Variants in RPL17 observed in about 807,000 individuals in gnomAD.
The protein encoded by RPL17 is ribosomal protein L17, also known as large ribosomal subunit protein uL22.
RPL17 carries 2 observed loss-of-function variants against 27.7 expected under a neutral mutation model. The observed-to-expected ratio is 0.07, with a 90% CI of 0.03 to 0.23. RPL17 has a LOEUF of 0.23. Among genes scored for constraint, RPL17 ranks in the 10% least tolerant of loss-of-function variants. The pLI, the probability that RPL17 is intolerant of heterozygous loss-of-function variation, is 1.00. For synonymous variants in RPL17, 76 were observed against 75.5 expected (o/e 1.01, Z -0.03); for missense variants, 141 against 238.8 (o/e 0.59, Z 2.70).
rs535086169 is a variant in RPL17, at chr18:49,490,396, C to T, written c.315+58G>A. On this transcript the variant is annotated intron_variant, in intron 5 of 6. Transcript: ENST00000580261. ...AGAAAATCAAGGACATAAATCTGAA[C>T]AGCCAACATTAATTAAACAACCACC... The T allele has an allele frequency of 1.8e-5, 28 of 1,564,882 alleles. No homozygotes were observed. In the African/African-American group the frequency reaches 3.5e-4, roughly 20 times the overall value.
At position 49,492,461 on chromosome 18, in the gene RPL17, A is replaced by C. The variant is rs2084198247; in HGVS notation, c.-17T>G. ...GCAACGCAGGAGAAACACTCACCTC[A>C]GGCTGCTTAGGGAAAGAGGAAGAGC... is the stretch of plus-strand genomic sequence containing the variant. On this transcript the variant is annotated 5_prime_UTR_variant, in exon 1 of 7. Transcript: ENST00000580261. 1 of 152,302 alleles carries C rather than the reference A, an allele frequency of 6.6e-6. No homozygotes were observed. Among genetic ancestry groups the C allele is most frequent in the Non-Finnish European group, 1.5e-5 (1 of 68,086 alleles). The allele number at this position is 152,302 out of a possible 1,614,324, so 9.4% of individuals were successfully genotyped here.
chr18:49,489,213 C>T, intron 6 of RPL17, 146 bp downstream of exon 6: 5 of 866,456 alleles, frequency 5.8e-6, no homozygotes, highest in Non-Finnish European at 6.9e-6. Flanking sequence ...AAGAAACAAA[C>T]TTACAAAAGC....
At chr18:49,490,381 G>T in intron 5 of RPL17, 73 bp downstream of exon 5, 1 of 1,472,600 alleles carries the variant, frequency 6.8e-7, no homozygotes, top group Non-Finnish European at 9.3e-7. Flanking sequence ...AGAAAATCAA[G>T]GACATAAATC....
intron 6 of RPL17, 29 bp downstream of exon 6, chr18:49,489,330 C>G (rs1187632938): frequency 6.2e-7 from 1 of 1,612,614 alleles, no homozygotes; most frequent in African/African-American, 1.3e-5. Flanking sequence ...TCTACTATCA[C>G]AAACAAAACC....
At chr18:49,488,678 AATACTT>A in intron 6 of RPL17, 112 bp from the exon 7 acceptor site, 1 of 677,562 alleles carries the variant, frequency 1.5e-6, no homozygotes, top group Non-Finnish European at 2.7e-6. Context: ...AAGGGGGAAA[AATACTT>A]AAATGGTAGA....
chr18:49,491,688 A>G (rs1321044288), intron 1 of RPL17, 104 bp from the exon 2 acceptor site: 2 of 1,399,102 alleles, frequency 1.4e-6, no homozygotes, highest in Admixed American at 1.7e-5. Context: ...AGTTGTTTTC[A>G]TTATTAATCC....
At chr18:49,489,277 C>T in intron 6 of RPL17, 82 bp downstream of exon 6, 2 of 1,469,744 alleles carry the variant, frequency 1.4e-6, no homozygotes, top group Non-Finnish European at 1.9e-6. Flanking sequence ...CATAGTTATT[C>T]CAAAGGTGTC....
intron 1 of RPL17, chr18:49,492,180 C>G (rs1045524645): frequency 6.4e-6 from 1 of 155,410 alleles, no homozygotes; most frequent in African/African-American, 2.4e-5. Flanking sequence ...GCGGCCCGCA[C>G]CCCACGGCGG....
At position 49,490,854 on chromosome 18, in the gene RPL17, G is replaced by C. The variant is rs2084017787; in HGVS notation, c.155C>G (p.Thr52Ser). Reference protein sequence around the residue: ...RKATKYLKDVTLQKQCVPFRR... With the variant: ...RKATKYLKDVSLQKQCVPFRR... ...GAATGGTACACACTGTTTCTGTAAA[G>C]TGACATCTTTCAGATACTTCGTGGC... The change falls in exon 4 of 7, where the codon ACT becomes AGT. Residue 52 changes from threonine to serine, a missense_variant. This residue lies in a region of RPL17 where 107 missense variants were observed against 150.1 expected (regional missense o/e 0.71). Coordinates refer to ENST00000580261, the MANE Select transcript of RPL17 (RefSeq NM_001035006.5). The C allele has an allele frequency of 6.2e-7, 1 of 1,613,374 alleles. No individual in the cohort carries two copies. The highest frequency in any genetic ancestry group is 8.5e-7 in the Non-Finnish European group (1 of 1,179,926).
At chr18:49,491,063 TTG>T in intron 3 of RPL17, 136 bp from the exon 4 acceptor site, 2 of 1,417,260 alleles carry the variant, frequency 1.4e-6, no homozygotes, top group Admixed American at 4.3e-5. Flanking sequence ...TTAAAAAAAC[TTG>T]TGACTAAAAG....
At chr18:49,489,696 T>A in intron 5 of RPL17, 146 bp from the exon 6 acceptor site, 1 of 859,986 alleles carries the variant, frequency 1.2e-6, no homozygotes, top group Non-Finnish European at 1.8e-6. Context: ...CCTTTTATTC[T>A]GCAAATAGCA....
chr18:49,491,916 C>G (rs569550889), intron 1 of RPL17: 2 of 432,956 alleles, frequency 4.6e-6, no homozygotes, highest in African/African-American at 4.0e-5. Flanking sequence ...CAGGGCACAA[C>G]TCAACCGTAA....
chr18:49,491,318 A>G, intron 3 of RPL17, 87 bp downstream of exon 3: 4 of 1,588,756 alleles, frequency 2.5e-6, no homozygotes, highest in Non-Finnish European at 3.5e-6. Flanking sequence ...CGGTAAATCC[A>G]AAGGTGTCCT....
chr18:49,491,775 G>A (rs759960180), intron 1 of RPL17, 191 bp from the exon 2 acceptor site: 9 of 799,714 alleles, frequency 1.1e-5, no homozygotes, highest in Admixed American at 5.1e-5. Flanking sequence ...TTATCTTCCA[G>A]TAACTACAGC....
chr18:49,490,609 C>T, intron 4 of RPL17, 57 bp from the exon 5 acceptor site: 1 of 1,609,068 alleles, frequency 6.2e-7, no homozygotes, highest in African/African-American at 1.3e-5. Context: ...ACATTACAGC[C>T]AAGATGAATT....
rs1324832842 is a variant in RPL17 at position 49,489,312 on chromosome 18, CA to C, written c.507+46del. The C allele has an allele frequency of 2.5e-6, 4 of 1,605,306 alleles. No individual in the cohort carries two copies. The East Asian group carries it at 6.7e-5, about 27-fold the overall frequency. On this transcript the variant is annotated intron_variant, in intron 6 of 6. Coordinates refer to ENST00000580261, the MANE Select transcript of RPL17 (RefSeq NM_001035006.5). ...CCTAAGATAGTCATCACAGCAACCA[CA>C]AATCTTTCTACTATCACAAACAAAA...
chr18:49,491,051 A>G, intron 3 of RPL17, 124 bp from the exon 4 acceptor site: 1 of 1,483,218 alleles, frequency 6.7e-7, no homozygotes. Context: ...GGGGCAAGGC[A>G]ATTAAAAAAA....
In RPL17 at chr18:49,489,388, G is replaced by C. The variant is rs1413054645; in HGVS notation, c.478C>G (p.Pro160Ala). Reference protein sequence around the residue: ...LTEKEQIVPKPEEEVAQKKKI... With the variant: ...LTEKEQIVPKAEEEVAQKKKI... ...TTCTTCTGGGCAACCTCCTCTTCTG[G>C]TTTAGGAACAATCTGTTCCTTTTCC... is the stretch of plus-strand genomic sequence containing the variant. Residue 160 changes from proline (P) to alanine (A), a missense_variant, in exon 6 of 7, where the codon CCA (proline) becomes GCA (alanine). By Grantham distance (27) the Pro-to-Ala change is conservative (BLOSUM62 -1). Transcript: ENST00000580261. The C allele has an allele frequency of 6.2e-7, 1 of 1,613,604 alleles. No homozygotes were observed. Among genetic ancestry groups the C allele is most frequent in the East Asian group, 2.2e-5 (1 of 44,882 alleles).
chr18:49,489,742 G>A (rs1214159395), intron 5 of RPL17, among the ~76,000 whole-genome samples, 192 bp from the exon 6 acceptor site: 1 of 152,088 alleles, frequency 6.6e-6, no homozygotes, highest in African/African-American at 2.4e-5. Context: ...ACCTTTACAT[G>A]TCTAAATTGC....
Sources: allele counts gnomAD v4.1 joint callset (sites outside exome capture counted in the v4.1 genomes callset), GRCh38; gene constraint gnomAD v4.1.1; regional missense constraint gnomAD v4.1.1; transcripts MANE v1.5; gene names NCBI Gene and HGNC (gene_info 2026-07-23, HGNC 2026-07-21).